The following SRGAP1 variants were observed in gnomAD, a reference collection of about 807,000 sequenced individuals.
SRGAP1 encodes SLIT-ROBO Rho GTPase-activating protein 1.
SRGAP1 carries 43 observed loss-of-function variants against 121.9 expected under a neutral mutation model. The observed-to-expected ratio is 0.35, with a 90% CI of 0.28 to 0.46. The LOEUF is 0.46. SRGAP1 is among the 20% of genes least tolerant of loss of function. The pLI, the probability that SRGAP1 is intolerant of heterozygous loss-of-function variation, is 1.00. For missense variants in SRGAP1, 1,102 were observed against 1,350.9 expected (o/e 0.82, Z 2.89); for synonymous variants, 447 against 485.4 (o/e 0.92, Z 1.04).
chr12:64,064,993 AGTAAATAT>A lies in SRGAP1; in HGVS notation c.1024-120_1024-113del. On this transcript the variant is annotated intron_variant, in intron 7 of 21. Transcript: ENST00000355086. ...GTGAAGTTTTGATGTGCCTATTAAA[AGTAAATAT>A]GTAATTGGAACCTTGAGAGGATTGG... The A allele has an allele frequency of 6.2e-6, 4 of 642,006 alleles. 2 individuals carry two copies. The Admixed American group carries it at 1.4e-4, about 22-fold the overall frequency. The allele number at this position is 642,006 out of a possible 1,614,324, so 39.8% of individuals were successfully genotyped here. A position where few individuals can be genotyped will look rare whatever the true frequency, so the allele number is the denominator to read the frequency against.
intron 18 of SRGAP1, among the ~76,000 whole-genome samples, chr12:64,125,762 TTGTC>T (rs2036677232): frequency 6.6e-6 from 1 of 152,200 alleles, no homozygotes; most frequent in East Asian, 1.9e-4. Context: ...CAGTTTTTCT[TTGTC>T]TGAAAAACTG....
intron 1 of SRGAP1, among the ~76,000 whole-genome samples, chr12:63,934,973 C>T (rs553361662): frequency 2.6e-5 from 4 of 152,092 alleles, no homozygotes; most frequent in Admixed American, 1.3e-4. Flanking sequence ...AAGATGGTGG[C>T]GAGAATCAGA....
chr12:64,014,009 T>A (rs1248180456), intron 3 of SRGAP1, among the ~76,000 whole-genome samples: 1 of 152,218 alleles, frequency 6.6e-6, no homozygotes, highest in Non-Finnish European at 1.5e-5. Flanking sequence ...GGAGTTGCCA[T>A]AACGAATAGT....
intron 20 of SRGAP1, 61 bp from the exon 21 acceptor site, chr12:64,127,800 T>A: frequency 6.2e-7 from 1 of 1,601,078 alleles, no homozygotes; most frequent in Non-Finnish European, 8.5e-7. Flanking sequence ...CACCTCAGCC[T>A]TGCAGTACTG....
rs74099357 is a variant in SRGAP1 at position 63,901,574 on chromosome 12, C to G, written c.67+56691C>G. 2.2e-3 allele frequency among the ~76,000 whole-genome samples: 332 copies of G among 152,288 alleles called. 2 individuals carry two copies. Among genetic ancestry groups the G allele is most frequent in the African/African-American group, 7.6e-3 (315 of 41,556 alleles). On this transcript the variant is annotated intron_variant, in intron 1 of 21. Transcript: ENST00000355086. ...GAGCGCTCCATAATCTTGGCCTATC[C>G]ATCATTGACGTCACAACAGGTTAGC... is the stretch of plus-strand genomic sequence containing the variant.
intron 5 of SRGAP1, 23 bp from the exon 6 acceptor site, chr12:64,043,424 T>C: frequency 6.3e-7 from 1 of 1,598,586 alleles, no homozygotes; most frequent in Non-Finnish European, 8.5e-7. Context: ...TCTTTCCCAA[T>C]GCCTGGATCT....
intron 1 of SRGAP1, among the ~76,000 whole-genome samples, chr12:63,860,139 C>T (rs1045956876): frequency 3.3e-5 from 5 of 151,854 alleles, no homozygotes; most frequent in Non-Finnish European, 5.9e-5. Flanking sequence ...CTGAGTAGGT[C>T]GCTGGGACCA....
chr12:64,082,001 C>CTTTTTTGTTTTTTT (rs2035853243), intron 10 of SRGAP1: 1 of 66,124 alleles, frequency 1.5e-5, no homozygotes. Context: ...CATGTAAGGT[C>CTTTTTTGTTTTTTT]TTTTTTTTTT....
At chr12:64,112,485 A>G (rs1384816064) in intron 17 of SRGAP1, among the ~76,000 whole-genome samples, 3 of 152,150 alleles carry the variant, frequency 2.0e-5, no homozygotes, top group Non-Finnish European at 4.4e-5. Context: ...TTTTGAGCAA[A>G]TTTATTATAT....
At chr12:64,125,101 C>T (rs1057080205) in intron 18 of SRGAP1, among the ~76,000 whole-genome samples, 2 of 152,126 alleles carry the variant, frequency 1.3e-5, no homozygotes, top group African/African-American at 2.4e-5. Flanking sequence ...TTTGTAGCCA[C>T]GGCCGCTTCC....
chr12:63,933,573 ACAT>A (rs925683312), intron 1 of SRGAP1, among the ~76,000 whole-genome samples: 1 of 152,180 alleles, frequency 6.6e-6, no homozygotes, highest in Non-Finnish European at 1.5e-5. Context: ...AATATTGAAA[ACAT>A]CATATCTAAT....
intron 21 of SRGAP1, among the ~76,000 whole-genome samples, chr12:64,141,415 A>G (rs1185544034): frequency 6.6e-6 from 1 of 151,760 alleles, no homozygotes; most frequent in Non-Finnish European, 1.5e-5. Flanking sequence ...CCCCGTCTCT[A>G]GTAAAAATAC....
chr12:63,955,429 C>T (rs1259131336), intron 1 of SRGAP1, among the ~76,000 whole-genome samples: 2 of 152,190 alleles, frequency 1.3e-5, no homozygotes, highest in African/African-American at 4.8e-5. Flanking sequence ...TTAACACATG[C>T]ATTACCTCAC....
At chr12:63,909,742 C>T (rs2030404435) in intron 1 of SRGAP1, among the ~76,000 whole-genome samples, 1 of 152,204 alleles carries the variant, frequency 6.6e-6, no homozygotes, top group Admixed American at 6.5e-5. Context: ...GTGTATTAAT[C>T]AGGTTTCTCT....
chr12:63,903,678 A>T (rs1389946181), intron 1 of SRGAP1, among the ~76,000 whole-genome samples: 1 of 151,862 alleles, frequency 6.6e-6, no homozygotes, highest in African/African-American at 2.4e-5. Context: ...TCTGTTGCCC[A>T]GGCTGGAGTG....
chr12:63,961,209 C>T (rs11175216), intron 1 of SRGAP1, among the ~76,000 whole-genome samples: 353 of 152,286 alleles, frequency 2.3e-3, no homozygotes, highest in East Asian at 0.013. Context: ...CATAGCCACA[C>T]GCAGCCAGAG....
rs1592873220 is a variant in SRGAP1, at chr12:63,844,985, T to G, written c.67+102T>G. ...TGGTGTCTGCGTGGGAGGAAGGTGG[T>G]GAGGGGACAGCTCGAGCCCTGTCTG... is the stretch of plus-strand genomic sequence containing the variant. On this transcript the variant is annotated intron_variant, in intron 1 of 21. Transcript: ENST00000355086. The surrounding 1 kb of genome is among the most constrained non-coding windows in gnomAD (Gnocchi z 4.3). 8.3e-7 allele frequency: 1 copy of G among 1,201,556 alleles called. No homozygotes were observed. Among genetic ancestry groups the G allele is most frequent in the Non-Finnish European group, 1.2e-6 (1 of 809,246 alleles). 74.4% of individuals were successfully genotyped at this position (1,201,556 alleles called of 1,614,324 possible).
chr12:64,044,880 A>G (rs2035096615), intron 6 of SRGAP1, among the ~76,000 whole-genome samples: 2 of 151,670 alleles, frequency 1.3e-5, no homozygotes, highest in African/African-American at 4.8e-5. Flanking sequence ...GGCTTTCACC[A>G]TGTTGCCCAG....
At chr12:64,098,683 A>AAT (rs1555174030) in intron 15 of SRGAP1, among the ~76,000 whole-genome samples, 3 of 144,814 alleles carry the variant, frequency 2.1e-5, no homozygotes, top group African/African-American at 8.7e-5. Context: ...AAAAAATAAA[A>AAT]AAATAAAAAA....
Sources: gnomAD v4.1 joint callset for allele counts (sites outside exome capture counted in the v4.1 genomes callset) on GRCh38, gnomAD v4.1.1 for gene constraint, Gnocchi (gnomAD v3.1) non-coding constraint, MANE v1.5 for transcripts, NCBI Gene and HGNC (gene_info 2026-07-23, HGNC 2026-07-21) for gene names.